CPT1A: variants seen among roughly 807,000 people sequenced by gnomAD.
CPT1A encodes carnitine O-palmitoyltransferase 1, liver isoform.
CPT1A carries 64 observed loss-of-function variants against 100.8 expected under a neutral mutation model. That is an observed-to-expected ratio of 0.63 (90% CI 0.52 to 0.78). CPT1A has a LOEUF of 0.78. CPT1A is among the 30% of genes least tolerant of loss of function. The pLI, the probability that CPT1A is intolerant of heterozygous loss-of-function variation, is 0.00. For missense variants in CPT1A, 802 were observed against 1,034.1 expected, an observed-to-expected ratio of 0.78 and a Z score of 3.08; for synonymous variants, 363 against 396.0, an observed-to-expected ratio of 0.92 and a Z score of 0.99.
intron 1 of CPT1A, among the ~76,000 whole-genome samples, chr11:68,838,588 A>AAAAAAAAAAAAAAAAAAC (rs1857078988): frequency 6.7e-6 from 1 of 149,100 alleles, no homozygotes; most frequent in African/African-American, 2.5e-5. Flanking sequence ...AAAAAAAAAA[A>AAAAAAAAAAAAAAAAAAC]AAACAGAGAC....
intron 14 of CPT1A, among the ~76,000 whole-genome samples, chr11:68,770,739 A>G (rs1455419230): frequency 6.6e-6 from 1 of 152,186 alleles, no homozygotes; most frequent in African/African-American, 2.4e-5. Flanking sequence ...GTGGGTGACT[A>G]TTCTTTTCCT....
At chr11:68,792,851 T>G (rs897326936) in intron 9 of CPT1A, among the ~76,000 whole-genome samples, 1 of 151,898 alleles carries the variant, frequency 6.6e-6, no homozygotes, top group African/African-American at 2.4e-5. Context: ...GAGTTTGAGA[T>G]CAGCCTGGGC....
chr11:68,767,422 C>G (rs1383444139), intron 14 of CPT1A, among the ~76,000 whole-genome samples: 1 of 152,136 alleles, frequency 6.6e-6, no homozygotes, highest in African/African-American at 2.4e-5. Flanking sequence ...AACCCCATCT[C>G]TACAAAAAAC....
chr11:68,834,732 C>T (rs1856966769), intron 1 of CPT1A, among the ~76,000 whole-genome samples: 1 of 152,096 alleles, frequency 6.6e-6, no homozygotes, highest in Non-Finnish European at 1.5e-5. Flanking sequence ...CAGAGCGAGA[C>T]CCTGTCTTAC....
chr11:68,830,128 A>G (rs572541610), intron 1 of CPT1A, among the ~76,000 whole-genome samples: 2 of 152,288 alleles, frequency 1.3e-5, no homozygotes, highest in Admixed American at 6.5e-5. Flanking sequence ...AATACAAAAA[A>G]TTAGCTGGAT....
At chr11:68,821,562 T>C (rs1299838591) in intron 1 of CPT1A, among the ~76,000 whole-genome samples, 4 of 152,186 alleles carry the variant, frequency 2.6e-5, no homozygotes, top group Admixed American at 6.5e-5. Context: ...AGTGCTGGGA[T>C]TAACAGGTGT....
chr11:68,839,219 C>A (rs1365860304), intron 1 of CPT1A, among the ~76,000 whole-genome samples: 2 of 152,234 alleles, frequency 1.3e-5, no homozygotes, highest in Admixed American at 6.5e-5. Flanking sequence ...TTGGCCCGCG[C>A]AGGCTCCGGT....
intron 1 of CPT1A, among the ~76,000 whole-genome samples, chr11:68,824,110 C>T (rs2924694): frequency 0.72 from 109,857 of 151,666 alleles, 40,971 homozygotes; most frequent in East Asian, 0.88. Flanking sequence ...TAGCCAGGCG[C>T]GGTGGCAGAC....
intron 1 of CPT1A, among the ~76,000 whole-genome samples, chr11:68,832,437 G>A (rs1349920554): frequency 1.3e-5 from 2 of 152,092 alleles, no homozygotes; most frequent in South Asian, 2.1e-4. Flanking sequence ...GTGACAGAGC[G>A]AGACTCTGTC....
chr11:68,760,779 G>A (rs576246740), intron 16 of CPT1A, among the ~76,000 whole-genome samples: 11 of 152,262 alleles, frequency 7.2e-5, no homozygotes, highest in South Asian at 6.2e-4. Flanking sequence ...TTGGGAACCC[G>A]ACGCGGGTGG....
intron 5 of CPT1A, 63 bp from the exon 6 acceptor site, chr11:68,799,418 T>C: frequency 6.4e-7 from 1 of 1,574,152 alleles, no homozygotes; most frequent in Non-Finnish European, 8.7e-7. Flanking sequence ...AGCCTATGTT[T>C]GCCTCACTTG....
chr11:68,812,650 GCAGCAGGGCTGCTGGGA>G, intron 2 of CPT1A, 74 bp from the exon 3 acceptor site: 1 of 1,577,830 alleles, frequency 6.3e-7, no homozygotes, highest in Non-Finnish European at 8.7e-7. Flanking sequence ...ATGGCCCCTG[GCAGCAGGGCTGCTGGGA>G]CAGCAGGCAG....
intron 1 of CPT1A, among the ~76,000 whole-genome samples, chr11:68,840,788 G>T (rs1369060198): frequency 6.6e-6 from 1 of 152,216 alleles, no homozygotes; most frequent in East Asian, 1.9e-4. Context: ...TGGCCGCGGC[G>T]GTGGCTCCGA....
chr11:68,826,281 A>G (rs1272034596), intron 1 of CPT1A, among the ~76,000 whole-genome samples: 1 of 151,940 alleles, frequency 6.6e-6, no homozygotes, highest in Non-Finnish European at 1.5e-5. Flanking sequence ...CCCTGTCACT[A>G]CTAAAAATAC....
intron 12 of CPT1A, among the ~76,000 whole-genome samples, chr11:68,777,710 T>C (rs902804372): frequency 1.3e-5 from 2 of 152,230 alleles, no homozygotes; most frequent in Non-Finnish European, 2.9e-5. Flanking sequence ...CCTGATCTTG[T>C]AAATATCCAG....
chr11:68,799,527 T>C lies in CPT1A; in HGVS notation c.556-172A>G, dbSNP rs1426244742. Among the ~76,000 whole-genome samples, 3 of 152,042 alleles carry C rather than the reference T, an allele frequency of 2.0e-5. No individual in the cohort carries two copies. The East Asian group carries it at 5.8e-4, about 29-fold the overall frequency. On this transcript the variant is annotated intron_variant, in intron 5 of 18. Coordinates refer to ENST00000265641, the MANE Select transcript of CPT1A (RefSeq NM_001876.4). ...ACTTTGGGAGGTCAAGGCCAGTGGA[T>C]TGCTTGAGCTCAGGAGTTCAAGACC... is the stretch of plus-strand genomic sequence containing the variant.
intron 10 of CPT1A, among the ~76,000 whole-genome samples, 175 bp from the exon 11 acceptor site, chr11:68,782,134 G>C (rs1855330075): frequency 6.6e-6 from 1 of 152,162 alleles, no homozygotes; most frequent in African/African-American, 2.4e-5. Flanking sequence ...ACCTGCTCCT[G>C]GTCTCCAGAC....
At position 68,757,637 on chromosome 11, in the gene CPT1A, A is replaced by C; in HGVS notation, c.*7T>G. ...GCTCGTTTTCCTTCCCAGCAGCTCC[A>C]GTGGAATTACTTTTTGGAATTAGAA... On this transcript the variant is annotated 3_prime_UTR_variant, in exon 19 of 19. Transcript: ENST00000265641. 3 of 1,614,136 alleles carry C rather than the reference A, an allele frequency of 1.9e-6. No individual in the cohort carries two copies. Among genetic ancestry groups the C allele is most frequent in the African/African-American group, 1.3e-5 (1 of 75,052 alleles).
chr11:68,802,286 A>C (rs1443780469), intron 5 of CPT1A, among the ~76,000 whole-genome samples: 1 of 152,144 alleles, frequency 6.6e-6, no homozygotes, highest in African/African-American at 2.4e-5. Flanking sequence ...TGTACATTTT[A>C]CCATAATTTT....
Sources: allele counts gnomAD v4.1 joint callset (sites outside exome capture counted in the v4.1 genomes callset), GRCh38; gene constraint gnomAD v4.1.1; transcripts MANE v1.5; gene names NCBI Gene and HGNC (gene_info 2026-07-23, HGNC 2026-07-21).